The following ZC3H12B variants were observed in gnomAD, a reference collection of about 807,000 sequenced individuals.
ZC3H12B encodes probable ribonuclease ZC3H12B.
Under a neutral mutation model 43.9 loss-of-function variants are expected in ZC3H12B, and 7 were observed. The ratio of observed to expected loss-of-function variants is 0.16; its 90% CI spans 0.09 to 0.30. The LOEUF is 0.30. Ranked by LOEUF, ZC3H12B falls within the 10% of genes least tolerant of loss-of-function variation. The pLI is 1.00. For missense variants in ZC3H12B, 475 were observed against 670.2 expected, an observed-to-expected ratio of 0.71 and a Z score of 3.22; for synonymous variants, 222 against 241.7, an observed-to-expected ratio of 0.92 and a Z score of 0.76.
At chrX:65,300,586 C>T in the ZC3H12B span, among the ~76,000 whole-genome samples, 1 of 111,316 alleles carries the variant, frequency 9.0e-6, no homozygotes, top group Non-Finnish European at 1.9e-5. Flanking sequence ...ACCCTGGTAG[C>T]CAAAGATAAA....
chrX:65,493,245 A>C (rs1313651260), intron 1 of ZC3H12B, among the ~76,000 whole-genome samples: 1 of 110,619 alleles, frequency 9.0e-6, no homozygotes, highest in African/African-American at 3.3e-5. Context: ...CATCTCTACT[A>C]AAAATACAAA....
At chrX:65,048,359 A>G in the ZC3H12B span, among the ~76,000 whole-genome samples, 1 of 111,681 alleles carries the variant, frequency 9.0e-6, no homozygotes, top group Non-Finnish European at 1.9e-5. Context: ...ATTGTAAATA[A>G]TGCTACAATG....
chrX:65,224,549 C>A, the ZC3H12B span, among the ~76,000 whole-genome samples: 4 of 112,658 alleles, frequency 3.6e-5, no homozygotes, highest in Non-Finnish European at 5.6e-5. Context: ...GTGCACCGTG[C>A]ATGAGCCAAA....
intron 2 of ZC3H12B, among the ~76,000 whole-genome samples, chrX:65,381,781 G>A (rs947698306): frequency 1.4e-4 from 16 of 111,673 alleles, no homozygotes; most frequent in Non-Finnish European, 2.4e-4. Flanking sequence ...TATCACCACC[G>A]ATCCCACAGA....
At chrX:65,383,170 G>A (rs756261273) in intron 2 of ZC3H12B, among the ~76,000 whole-genome samples, 5 of 112,056 alleles carry the variant, frequency 4.5e-5, no homozygotes, top group Admixed American at 9.5e-5. Flanking sequence ...AAAGAACAGA[G>A]TTGGAGGCAT....
intron 2 of ZC3H12B, among the ~76,000 whole-genome samples, chrX:65,376,108 G>T (rs73516251): frequency 0.082 from 9,136 of 111,560 alleles, 1,021 homozygotes; most frequent in African/African-American, 0.29. Flanking sequence ...TTCACCACAT[G>T]CTAAAGATCC....
At chrX:65,387,419 C>G (rs1038507297) in intron 2 of ZC3H12B, among the ~76,000 whole-genome samples, 3 of 111,436 alleles carry the variant, frequency 2.7e-5, no homozygotes, top group Non-Finnish European at 5.7e-5. Flanking sequence ...CTCTTTTGAT[C>G]TTTGTTGGTT....
chrX:65,132,722 G>A, the ZC3H12B span, among the ~76,000 whole-genome samples: 1 of 111,437 alleles, frequency 9.0e-6, no homozygotes, highest in Non-Finnish European at 1.9e-5. Flanking sequence ...AAGCCTGGCT[G>A]TCAATACCCA....
the ZC3H12B span, among the ~76,000 whole-genome samples, chrX:65,226,010 A>G: frequency 1.8e-5 from 2 of 111,753 alleles, no homozygotes; most frequent in African/African-American, 6.5e-5. Context: ...ATTCAGATTC[A>G]GGAAATACAG....
chrX:65,226,849 G>A, the ZC3H12B span, among the ~76,000 whole-genome samples: 128 of 111,591 alleles, frequency 1.1e-3, 1 homozygote, highest in South Asian at 9.8e-3. Flanking sequence ...AAATATATAT[G>A]CACCCAAAAC....
At chrX:65,443,230 C>T (rs1435307177) in intron 3 of ZC3H12B, among the ~76,000 whole-genome samples, 1 of 111,302 alleles carries the variant, frequency 9.0e-6, no homozygotes, top group Non-Finnish European at 1.9e-5. Flanking sequence ...TCTTACTCAC[C>T]ATGGGGATTA....
the ZC3H12B span, among the ~76,000 whole-genome samples, chrX:65,194,097 C>T: frequency 9.1e-6 from 1 of 110,207 alleles, no homozygotes; most frequent in South Asian, 4.0e-4. Context: ...ATCCTATCAA[C>T]TCCCACCAGG....
At chrX:65,122,249 G>A in the ZC3H12B span, among the ~76,000 whole-genome samples, 1 of 110,804 alleles carries the variant, frequency 9.0e-6, no homozygotes, top group Non-Finnish European at 1.9e-5. Context: ...TTAAATAAAA[G>A]AATTTTCAAC....
the ZC3H12B span, among the ~76,000 whole-genome samples, chrX:65,302,787 C>T: frequency 2.7e-4 from 30 of 111,823 alleles, no homozygotes; most frequent in Admixed American, 2.6e-3. Context: ...CAAGGCAGTA[C>T]GATACTGTCT....
At chrX:65,158,614 G>A in the ZC3H12B span, among the ~76,000 whole-genome samples, 13 of 111,506 alleles carry the variant, frequency 1.2e-4, no homozygotes, top group Non-Finnish European at 2.3e-4. Context: ...CTTTTTGATG[G>A]GGTTGTTTGT....
chrX:65,143,754 C>T, the ZC3H12B span, among the ~76,000 whole-genome samples: 1 of 107,451 alleles, frequency 9.3e-6, no homozygotes, highest in Non-Finnish European at 1.9e-5. Context: ...TTTTTAATAG[C>T]GGTGGGGTTT....
At chrX:65,460,160 A>G (rs186177845) in intron 3 of ZC3H12B, among the ~76,000 whole-genome samples, 215 of 111,992 alleles carry the variant, frequency 1.9e-3, no homozygotes, top group Non-Finnish European at 3.2e-3. Context: ...TGGGATGTGA[A>G]GGACCTCTTC....
At chrX:65,088,528 TTC>T in the ZC3H12B span, among the ~76,000 whole-genome samples, 2 of 111,815 alleles carry the variant, frequency 1.8e-5, no homozygotes. Flanking sequence ...AACATGCTAC[TTC>T]TCTATAGGAT....
the ZC3H12B span, among the ~76,000 whole-genome samples, chrX:65,283,264 A>T: frequency 8.9e-6 from 1 of 111,981 alleles, no homozygotes; most frequent in Non-Finnish European, 1.9e-5. Flanking sequence ...CCTTCGACAA[A>T]ATTCAACAGC....
Sources: allele counts gnomAD v4.1 joint callset (sites outside exome capture counted in the v4.1 genomes callset), GRCh38; gene constraint gnomAD v4.1.1; transcripts MANE v1.5; gene names NCBI Gene and HGNC (gene_info 2026-07-23, HGNC 2026-07-21).